KIRREL3: variants seen among roughly 807,000 people sequenced by gnomAD.
KIRREL3 encodes the protein kin of IRRE-like protein 3.
A neutral mutation model predicts 89.7 loss-of-function variants in KIRREL3; 36 were observed. The observed-to-expected ratio is 0.40, with a 90% CI of 0.31 to 0.53. The LOEUF is 0.53. KIRREL3 is among the 20% of genes least tolerant of loss of function. KIRREL3 has a pLI of 0.49. For missense variants in KIRREL3, 864 were observed against 1,056.6 expected (o/e 0.82, Z 2.53); for synonymous variants, 445 against 441.4 (o/e 1.01, Z -0.10).
intron 1 of KIRREL3, among the ~76,000 whole-genome samples, chr11:126,654,402 G>A (rs1021246821): frequency 6.7e-6 from 1 of 149,570 alleles, no homozygotes; most frequent in African/African-American, 2.5e-5. Context: ...TAAATGGGCA[G>A]CTTCTCCTTT....
At chr11:126,984,717 G>A (rs957374905) in intron 1 of KIRREL3, among the ~76,000 whole-genome samples, 9 of 152,106 alleles carry the variant, frequency 5.9e-5, no homozygotes, top group African/African-American at 2.2e-4. Flanking sequence ...CAAGCTCCCC[G>A]CACAAATTGC....
rs561199907 is a variant in KIRREL3, at chr11:126,544,347, G to A, written c.134-17660C>T. ...GTAATTTACTAAGGCTGGAAGAACG[G>A]GGCAGGAGGGATTCTGAATGGGAGG... On this transcript the variant is annotated intron_variant, in intron 2 of 16. Coordinates refer to ENST00000525144, the MANE Select transcript of KIRREL3 (RefSeq NM_032531.4). The surrounding 1 kb of genome is among the most constrained non-coding windows in gnomAD (Gnocchi z 5.6). 2 of 152,312 alleles carry A rather than the reference G, an allele frequency of 1.3e-5. No homozygotes were observed. The highest frequency in any genetic ancestry group is 1.9e-4 in the East Asian group (1 of 5,176). The allele number at this position is 152,312 out of a possible 1,614,324, so 9.4% of individuals were successfully genotyped here.
In KIRREL3 at chr11:126,635,992, G is replaced by A. The variant is rs906290005; in HGVS notation, c.56-73080C>T. On this transcript the variant is annotated intron_variant, in intron 1 of 16. Coordinates refer to ENST00000525144, the MANE Select transcript of KIRREL3 (RefSeq NM_032531.4). The surrounding 1 kb of genome is among the most constrained non-coding windows in gnomAD (Gnocchi z 4.0). ...GGGAGGGATCAGTGGAGGAAGCGAC[G>A]TGATTCCTGTAAGACTTGAATGCCC... 3.9e-5 allele frequency among the ~76,000 whole-genome samples: 6 copies of A among 152,202 alleles called. No individual in the cohort carries two copies. The highest frequency in any genetic ancestry group is 2.1e-4 in the South Asian group (1 of 4,830).
rs78057403 is a variant in KIRREL3, at chr11:126,843,801, T to C, written c.55+156654A>G. On this transcript the variant is annotated intron_variant, in intron 1 of 16. Coordinates refer to ENST00000525144, the MANE Select transcript of KIRREL3 (RefSeq NM_032531.4). The surrounding 1 kb of genome is among the most constrained non-coding windows in gnomAD (Gnocchi z 4.6). ...ACCAAAATCAAGATGGCAACAAGAATGACCTCTGGTCATCCTCACTGCTAC... is the reference window on the plus strand; with the variant it reads ...ACCAAAATCAAGATGGCAACAAGAACGACCTCTGGTCATCCTCACTGCTAC... 0.031 allele frequency among the ~76,000 whole-genome samples: 4,692 copies of C among 152,192 alleles called. 238 individuals carry two copies. Among genetic ancestry groups the C allele is most frequent in the African/African-American group, 0.11 (4,457 of 41,514 alleles).
rs1565634697 is a variant in KIRREL3 at position 126,668,733 on chromosome 11, CT to C, written c.56-105822del. ...TCTTTCTTTCTTTCTTTCTTTCTTT[CT>C]TTCTTTCTTTCTTTCTTTCTTTTTT... On this transcript the variant is annotated intron_variant, in intron 1 of 16. Coordinates refer to ENST00000525144, the MANE Select transcript of KIRREL3 (RefSeq NM_032531.4). The surrounding 1 kb of genome is among the most constrained non-coding windows in gnomAD (Gnocchi z 4.4). Among the ~76,000 whole-genome samples the C allele has an allele frequency of 1.9e-5, 2 of 107,212 alleles. No individual in the cohort carries two copies. Among genetic ancestry groups the C allele is most frequent in the Non-Finnish European group, 4.2e-5 (2 of 47,478 alleles). 70.3% of individuals were successfully genotyped at this position (107,212 alleles called of 152,430 possible).
In KIRREL3 at chr11:126,898,703, G is replaced by A. The variant is rs1305138933; in HGVS notation, c.55+101752C>T. On this transcript the variant is annotated intron_variant, in intron 1 of 16. Coordinates refer to ENST00000525144, the MANE Select transcript of KIRREL3 (RefSeq NM_032531.4). This position sits in a 1 kb window ranked among gnomAD's most constrained non-coding sequence, Gnocchi z 4.9. Reference sequence around the variant, plus strand: ...TATCAAACATAGAATAGTTACCTGGGGGTAAAGGAAGGGAAATGGAAGTGA... The same window carrying A: ...TATCAAACATAGAATAGTTACCTGGAGGTAAAGGAAGGGAAATGGAAGTGA... 6.6e-6 allele frequency among the ~76,000 whole-genome samples: 1 copy of A among 152,068 alleles called. No individual in the cohort carries two copies. Among genetic ancestry groups the A allele is most frequent in the Non-Finnish European group, 1.5e-5 (1 of 68,018 alleles).
At chr11:126,835,816 G>A (rs1483736176) in intron 1 of KIRREL3, among the ~76,000 whole-genome samples, 1 of 152,192 alleles carries the variant, frequency 6.6e-6, no homozygotes, top group African/African-American at 2.4e-5. Context: ...CACTTGGATA[G>A]TCTAGTAATG....
intron 4 of KIRREL3, among the ~76,000 whole-genome samples, chr11:126,497,872 G>A (rs551142148): frequency 2.0e-5 from 3 of 152,210 alleles, no homozygotes; most frequent in African/African-American, 7.2e-5. Context: ...TCTGTGCCAA[G>A]CCTGGGCCTG....
rs1413826823 is a variant in KIRREL3, at chr11:126,428,101, G to A, written c.1806+1078C>T. On this transcript the variant is annotated intron_variant, in intron 15 of 16. Coordinates refer to ENST00000525144, the MANE Select transcript of KIRREL3 (RefSeq NM_032531.4). The surrounding 1 kb of genome is among the most constrained non-coding windows in gnomAD (Gnocchi z 6.4). ...TGCTCACCCTCTAGCAACATAAACC[G>A]CTAATATTTCTTGAGCACTTATTGT... Among the ~76,000 whole-genome samples the A allele has an allele frequency of 1.3e-5, 2 of 152,174 alleles. No individual in the cohort carries two copies. The highest frequency in any genetic ancestry group is 4.8e-5 in the African/African-American group (2 of 41,438).
At position 126,627,331 on chromosome 11, in the gene KIRREL3, A is replaced by G. The variant is rs551731029; in HGVS notation, c.56-64419T>C. ...CTGGAGCAGGTGGCCAAGGGCCTTG[A>G]AAACCATGTTGAAGCATGGTGACCT... On this transcript the variant is annotated intron_variant, in intron 1 of 16. Transcript: ENST00000525144. This position sits in a 1 kb window ranked among gnomAD's most constrained non-coding sequence, Gnocchi z 5.0. 6.6e-6 allele frequency among the ~76,000 whole-genome samples: 1 copy of G among 152,172 alleles called. No individual in the cohort carries two copies. The highest frequency in any genetic ancestry group is 2.1e-4 in the South Asian group (1 of 4,824).
Position 126,587,130 on chromosome 11 carries a change from G to A in KIRREL3, c.56-24218C>T, listed in dbSNP as rs968597763. Among the ~76,000 whole-genome samples, 1 of 152,120 alleles carries A rather than the reference G, an allele frequency of 6.6e-6. No homozygotes were observed. The highest frequency in any genetic ancestry group is 2.4e-5 in the African/African-American group (1 of 41,416). On this transcript the variant is annotated intron_variant, in intron 1 of 16. Coordinates refer to ENST00000525144, the MANE Select transcript of KIRREL3 (RefSeq NM_032531.4). This position sits in a 1 kb window ranked among gnomAD's most constrained non-coding sequence, Gnocchi z 5.2. ...CCAGTGGAAGAGTCCAGAGCACCGG[G>A]ATGATGTGTAGGGAGAGCCACTCAC...
At chr11:126,853,055 T>C (rs554351448) in intron 1 of KIRREL3, among the ~76,000 whole-genome samples, 1 of 152,336 alleles carries the variant, frequency 6.6e-6, no homozygotes, top group South Asian at 2.1e-4. Flanking sequence ...TTTTGTGTCG[T>C]GCAAGTTTTT....
At chr11:126,790,581 C>A (rs1310020193) in intron 1 of KIRREL3, among the ~76,000 whole-genome samples, 1 of 152,236 alleles carries the variant, frequency 6.6e-6, no homozygotes, top group Non-Finnish European at 1.5e-5. Context: ...AACCACCCAA[C>A]CATGTGATCC....
chr11:126,854,121 G>T (rs1166668157), intron 1 of KIRREL3, among the ~76,000 whole-genome samples: 2 of 94,014 alleles, frequency 2.1e-5, no homozygotes, highest in Non-Finnish European at 4.5e-5. Context: ...CCAGTAATAA[G>T]TTTCTTGTGT....
In KIRREL3 at chr11:126,639,188, G is replaced by A. The variant is rs1348763188; in HGVS notation, c.56-76276C>T. On this transcript the variant is annotated intron_variant, in intron 1 of 16. Transcript: ENST00000525144. This position sits in a 1 kb window ranked among gnomAD's most constrained non-coding sequence, Gnocchi z 4.3. ...GATCTGGAAACTTAAGCTCTGGAGG[G>A]CCACCTGTCAGATGAGATTTGCCTT... 6.6e-6 allele frequency among the ~76,000 whole-genome samples: 1 copy of A among 152,020 alleles called. No individual in the cohort carries two copies. The highest frequency in any genetic ancestry group is 1.5e-5 in the Non-Finnish European group (1 of 68,008).
Position 126,931,927 on chromosome 11 carries a change from A to T in KIRREL3, c.55+68528T>A, listed in dbSNP as rs1230643245. Among the ~76,000 whole-genome samples, 1 of 152,234 alleles carries T rather than the reference A, an allele frequency of 6.6e-6. No individual in the cohort carries two copies. On this transcript the variant is annotated intron_variant, in intron 1 of 16. Transcript: ENST00000525144. The surrounding 1 kb of genome is among the most constrained non-coding windows in gnomAD (Gnocchi z 5.1). Reference sequence around the variant, plus strand: ...AGGAGGGCATAAGGATTTTATTTCCACAGCTACCTGGAGAAGAAAATTCAT... The same window carrying T: ...AGGAGGGCATAAGGATTTTATTTCCTCAGCTACCTGGAGAAGAAAATTCAT...
chr11:126,719,126 T>C lies in KIRREL3; in HGVS notation c.56-156214A>G, dbSNP rs1948076523. 6.6e-6 allele frequency among the ~76,000 whole-genome samples: 1 copy of C among 152,256 alleles called. No individual in the cohort carries two copies. The highest frequency in any genetic ancestry group is 1.5e-5 in the Non-Finnish European group (1 of 68,052). On this transcript the variant is annotated intron_variant, in intron 1 of 16. Coordinates refer to ENST00000525144, the MANE Select transcript of KIRREL3 (RefSeq NM_032531.4). The surrounding 1 kb of genome is among the most constrained non-coding windows in gnomAD (Gnocchi z 4.7). ...AGAAGAGCTGTCTCTCACTGTCTCCTTCATCTAGACAAACGCATTTCCCTT... is the reference window on the plus strand; with the variant it reads ...AGAAGAGCTGTCTCTCACTGTCTCCCTCATCTAGACAAACGCATTTCCCTT...
intron 4 of KIRREL3, among the ~76,000 whole-genome samples, chr11:126,503,240 C>T (rs1285464912): frequency 6.6e-6 from 1 of 151,960 alleles, no homozygotes; most frequent in African/African-American, 2.4e-5. Flanking sequence ...TGGTGGGGGG[C>T]GTCCGAGCCT....
At chr11:126,667,096 AG>A (rs1305270269) in intron 1 of KIRREL3, among the ~76,000 whole-genome samples, 4 of 152,212 alleles carry the variant, frequency 2.6e-5, no homozygotes, top group African/African-American at 9.6e-5. Context: ...AAAGGAAAAA[AG>A]CTCCAGACTA....
Sources: gnomAD v4.1 joint callset for allele counts (sites outside exome capture counted in the v4.1 genomes callset) on GRCh38, gnomAD v4.1.1 for gene constraint, Gnocchi (gnomAD v3.1) non-coding constraint, MANE v1.5 for transcripts, NCBI Gene and HGNC (gene_info 2026-07-23, HGNC 2026-07-21) for gene names.